NAV3: variants seen among roughly 807,000 people sequenced by gnomAD.
NAV3 encodes neuron navigator 3, also known as pore membrane and/or filament interacting like protein 1.
Under a neutral mutation model 244.7 loss-of-function variants are expected in NAV3, and 87 were observed. The ratio of observed to expected loss-of-function variants is 0.36; its 90% CI spans 0.30 to 0.42. The LOEUF (loss-of-function observed/expected upper bound fraction) is 0.42, where lower values mean the gene tolerates loss of function less well. NAV3 is among the 20% of genes least tolerant of loss of function. The pLI, the probability that NAV3 is intolerant of heterozygous loss-of-function variation, is 1.00. For missense variants in NAV3, 2,663 were observed against 2,893.3 expected (o/e 0.92, Z 1.83); for synonymous variants, 1,126 against 1,042.2 (o/e 1.08, Z -1.55).
chr12:77,736,942 T>A (rs1293280324), intron 2 of NAV3, among the ~76,000 whole-genome samples: 1 of 152,182 alleles, frequency 6.6e-6, no homozygotes, highest in African/African-American at 2.4e-5. Context: ...TCAACAGTAG[T>A]GCCGTAATTG....
At chr12:78,159,467 C>A (rs909023583) in intron 23 of NAV3, among the ~76,000 whole-genome samples, 181 bp downstream of exon 23, 2 of 151,940 alleles carry the variant, frequency 1.3e-5, no homozygotes, top group African/African-American at 4.8e-5. Context: ...AGTTCGAGAC[C>A]AGCCTGGCCA....
chr12:77,848,916 A>G (rs1311089937), intron 1 of NAV3, among the ~76,000 whole-genome samples: 1 of 152,186 alleles, frequency 6.6e-6, no homozygotes, highest in Non-Finnish European at 1.5e-5. Context: ...GCAATTTCAT[A>G]TGTACTTGAA....
At chr12:77,715,343 T>C (rs1030519097) in intron 2 of NAV3, among the ~76,000 whole-genome samples, 7 of 151,888 alleles carry the variant, frequency 4.6e-5, no homozygotes, top group African/African-American at 1.5e-4. Flanking sequence ...AAATTATCTT[T>C]AAAACTATGC....
intron 3 of NAV3, among the ~76,000 whole-genome samples, chr12:77,961,073 A>C (rs546589053): frequency 6.8e-6 from 1 of 146,248 alleles, no homozygotes; most frequent in African/African-American, 2.5e-5. Flanking sequence ...ATACGCATAT[A>C]TGTATATATG....
At chr12:78,092,447 C>G (rs1953994620) in intron 12 of NAV3, among the ~76,000 whole-genome samples, 1 of 149,642 alleles carries the variant, frequency 6.7e-6, no homozygotes, top group African/African-American at 2.5e-5. Context: ...TTTTCTAATA[C>G]CAGAAAGAAA....
chr12:77,985,108 G>A (rs756996617), intron 5 of NAV3, among the ~76,000 whole-genome samples: 8 of 152,086 alleles, frequency 5.3e-5, no homozygotes, highest in African/African-American at 1.7e-4. Context: ...GAGCCACCGC[G>A]CCCAGCCTAT....
intron 2 of NAV3, among the ~76,000 whole-genome samples, chr12:77,782,227 T>C (rs1319741943): frequency 6.6e-6 from 1 of 151,982 alleles, no homozygotes; most frequent in Non-Finnish European, 1.5e-5. Flanking sequence ...TTGAGATTCC[T>C]CATGAAATTC....
rs2138696166 is a variant in NAV3 at position 78,122,237 on chromosome 12, T to A, written c.4047T>A (p.Asn1349Lys). The A allele has an allele frequency of 6.2e-7, 1 of 1,614,100 alleles. No individual in the cohort carries two copies. The highest frequency in any genetic ancestry group is 1.1e-5 in the South Asian group (1 of 91,082). ...CAGGTGGTCTCGTGTGGGCTGCCAA[T>A]ATGAGCAGTTCCTCTGCAGGCAGCA... ...FTSGGLVWAANMSSSSAGSKD... is the reference protein window; with the variant it reads ...FTSGGLVWAAKMSSSSAGSKD... Residue 1349 changes from asparagine to lysine, a missense_variant, in exon 16 of 40, where the codon AAT becomes AAA. This residue lies in a region of NAV3 where 354 missense variants were observed against 413.0 expected (regional missense o/e 0.86). Coordinates refer to ENST00000397909, the MANE Select transcript of NAV3 (RefSeq NM_001024383.2).
rs1409658177 is a variant in NAV3 at position 78,179,048 on chromosome 12, A to AT, written c.5364-476dup. ...TTATTTTCTACAATGTTTATATTGG[A>AT]TTTTTATGGTAATTAAAGACAGTAT... On this transcript the variant is annotated intron_variant, in intron 28 of 39. Transcript: ENST00000397909. Among the ~76,000 whole-genome samples the AT allele has an allele frequency of 2.3e-4, 35 of 152,106 alleles. 1 individual carries two copies. Among genetic ancestry groups the AT allele is most frequent in the Non-Finnish European group, 7.4e-5 (5 of 68,010 alleles).
chr12:77,772,741 G>T (rs79637785), intron 2 of NAV3, among the ~76,000 whole-genome samples: 1 of 152,034 alleles, frequency 6.6e-6, no homozygotes, highest in African/African-American at 2.4e-5. Flanking sequence ...TTGATGGCTC[G>T]AGCAGTTGGA....
chr12:77,752,358 T>C (rs1267689643), intron 2 of NAV3, among the ~76,000 whole-genome samples: 1 of 152,188 alleles, frequency 6.6e-6, no homozygotes, highest in Non-Finnish European at 1.5e-5. Context: ...GTCGCTTTTA[T>C]AGGGACGCAA....
At chr12:77,726,494 A>T (rs973563095) in intron 2 of NAV3, among the ~76,000 whole-genome samples, 3 of 151,954 alleles carry the variant, frequency 2.0e-5, no homozygotes, top group African/African-American at 7.2e-5. Flanking sequence ...AAAGTAAGGG[A>T]TTAGTCAGAG....
At chr12:77,873,679 G>GTGTGTATATA (rs540390004) in intron 1 of NAV3, among the ~76,000 whole-genome samples, 1,937 of 107,044 alleles carry the variant, frequency 0.018, 84 homozygotes, top group Non-Finnish European at 0.028. Context: ...ATTTGTATGT[G>GTGTGTATATA]TATATATATA....
At chr12:77,972,515 G>A (rs1305045657) in intron 5 of NAV3, among the ~76,000 whole-genome samples, 2 of 151,830 alleles carry the variant, frequency 1.3e-5, no homozygotes, top group East Asian at 1.9e-4. Flanking sequence ...GAAATATTAA[G>A]CATCTTATTT....
intron 8 of NAV3, among the ~76,000 whole-genome samples, chr12:78,008,232 C>A (rs983504686): frequency 2.0e-5 from 3 of 150,224 alleles, no homozygotes; most frequent in African/African-American, 7.3e-5. Context: ...TTTTTTTTTA[C>A]CTTTTATTTA....
At chr12:78,180,189 C>T (rs943600407) in intron 29 of NAV3, among the ~76,000 whole-genome samples, 1 of 152,040 alleles carries the variant, frequency 6.6e-6, no homozygotes, top group Non-Finnish European at 1.5e-5. Flanking sequence ...TGAAAAACAT[C>T]TAAAGGCTAA....
At chr12:78,191,303 G>A (rs115275902) in intron 34 of NAV3, among the ~76,000 whole-genome samples, 2,960 of 152,252 alleles carry the variant, frequency 0.019, 97 homozygotes, top group African/African-American at 0.068. Flanking sequence ...GTGTCTGTGT[G>A]TGTGTGAGAG....
chr12:77,733,870 T>C (rs1200948837), intron 2 of NAV3, among the ~76,000 whole-genome samples: 1 of 144,220 alleles, frequency 6.9e-6, no homozygotes, highest in South Asian at 2.2e-4. Context: ...AAGAGGTTGA[T>C]TTAAGAGCTT....
At chr12:78,159,024 T>G (rs1047618901) in intron 22 of NAV3, among the ~76,000 whole-genome samples, 179 bp from the exon 23 acceptor site, 3 of 152,146 alleles carry the variant, frequency 2.0e-5, no homozygotes, top group African/African-American at 7.2e-5. Flanking sequence ...AGACAAAGTT[T>G]AGAAAAGATG....
Sources: allele counts gnomAD v4.1 joint callset (sites outside exome capture counted in the v4.1 genomes callset), GRCh38; gene constraint gnomAD v4.1.1; regional missense constraint gnomAD v4.1.1; transcripts MANE v1.5; gene names NCBI Gene and HGNC (gene_info 2026-07-23, HGNC 2026-07-21).